The following CCSER1 variants were observed in gnomAD, a reference collection of about 807,000 sequenced individuals.
The protein encoded by CCSER1 is serine-rich coiled-coil domain-containing protein 1.
In CCSER1, 41 loss-of-function variants were observed where a neutral mutation model predicts 82.0. The ratio of observed to expected loss-of-function variants is 0.50; its 90% CI spans 0.39 to 0.65. The LOEUF is 0.65. CCSER1 is among the 30% of genes least tolerant of loss of function. The pLI is 0.00. For synonymous variants in CCSER1, 414 were observed against 383.9 expected (o/e 1.08, Z -0.92); for missense variants, 1,119 against 1,064.2 (o/e 1.05, Z -0.72).
intron 6 of CCSER1, among the ~76,000 whole-genome samples, chr4:90,693,076 G>A (rs750124340): frequency 7.2e-5 from 11 of 152,040 alleles, no homozygotes; most frequent in Non-Finnish European, 1.0e-4. Flanking sequence ...TGCGGATGAG[G>A]TTAAGGGTAA....
chr4:91,023,020 T>A (rs1377208355), intron 9 of CCSER1, among the ~76,000 whole-genome samples: 5 of 152,114 alleles, frequency 3.3e-5, no homozygotes, highest in African/African-American at 1.2e-4. Flanking sequence ...TTTAATTAGA[T>A]CCCATTTGTC....
chr4:91,275,604 T>G (rs1242533527), intron 10 of CCSER1, among the ~76,000 whole-genome samples: 2 of 152,194 alleles, frequency 1.3e-5, no homozygotes, highest in Non-Finnish European at 2.9e-5. Flanking sequence ...TTTGCAAATA[T>G]TTTCTCTCAT....
intron 10 of CCSER1, among the ~76,000 whole-genome samples, chr4:91,090,690 A>T (rs563358615): frequency 3.3e-5 from 5 of 152,330 alleles, no homozygotes; most frequent in Admixed American, 2.0e-4. Context: ...CAAACATACC[A>T]TTAAGTGACT....
intron 3 of CCSER1, among the ~76,000 whole-genome samples, chr4:90,350,567 CAATT>C (rs1185974788): frequency 6.6e-6 from 1 of 151,980 alleles, no homozygotes; most frequent in Non-Finnish European, 1.5e-5. Context: ...TAAAAACCAA[CAATT>C]TAATTAATAT....
chr4:90,989,565 G>A (rs1736849908), intron 9 of CCSER1, among the ~76,000 whole-genome samples: 1 of 151,766 alleles, frequency 6.6e-6, no homozygotes. Context: ...GATTTCTACT[G>A]TAAGGGTAAA....
chr4:90,389,368 C>T (rs1461736), intron 3 of CCSER1, among the ~76,000 whole-genome samples: 45,558 of 151,990 alleles, frequency 0.3, 7,008 homozygotes, highest in South Asian at 0.36. Context: ...TGTCTTTAAA[C>T]ATTCCTCTGT....
chr4:90,670,453 A>G (rs907229027), intron 6 of CCSER1, among the ~76,000 whole-genome samples: 3 of 152,126 alleles, frequency 2.0e-5, no homozygotes, highest in African/African-American at 4.8e-5. Flanking sequence ...CTTTTACCAT[A>G]TAATTGTCCC....
intron 9 of CCSER1, among the ~76,000 whole-genome samples, chr4:90,947,552 A>G (rs2150345374): frequency 1.3e-5 from 2 of 152,256 alleles, no homozygotes; most frequent in South Asian, 4.1e-4. Flanking sequence ...TGCATTATCT[A>G]CTGAATTGCC....
chr4:91,257,217 C>T lies in CCSER1; in HGVS notation c.2217+171223C>T, dbSNP rs750346291. ...TAGATATGTTACGTTAGAAAACAAA[C>T]GATTTCTCATTGGCTTTTATTTTAT... On this transcript the variant is annotated intron_variant, in intron 10 of 10. Coordinates refer to ENST00000509176, the MANE Select transcript of CCSER1 (RefSeq NM_001145065.2). 4.1e-4 allele frequency among the ~76,000 whole-genome samples: 62 copies of T among 151,968 alleles called. 1 individual carries two copies. Among genetic ancestry groups the T allele is most frequent in the Non-Finnish European group, 1.5e-4 (10 of 67,932 alleles).
chr4:91,164,159 T>C (rs1172130668), intron 10 of CCSER1, among the ~76,000 whole-genome samples: 1 of 152,232 alleles, frequency 6.6e-6, no homozygotes, highest in Non-Finnish European at 1.5e-5. Context: ...TGCTTGTCTG[T>C]AAAGAATTTT....
chr4:91,099,599 A>C (rs1724853196), intron 10 of CCSER1, among the ~76,000 whole-genome samples: 1 of 152,154 alleles, frequency 6.6e-6, no homozygotes, highest in Admixed American at 6.5e-5. Context: ...GAGGCATGAG[A>C]CATCAATCAA....
intron 10 of CCSER1, among the ~76,000 whole-genome samples, chr4:91,531,461 T>C (rs1560742257): frequency 6.6e-6 from 1 of 152,168 alleles, no homozygotes; most frequent in African/African-American, 2.4e-5. Context: ...ACAAAGATAA[T>C]AATGTAAGAA....
At chr4:91,055,026 T>G (rs1451728691) in intron 9 of CCSER1, among the ~76,000 whole-genome samples, 1 of 152,174 alleles carries the variant, frequency 6.6e-6, no homozygotes, top group Non-Finnish European at 1.5e-5. Context: ...ATATTGTGAT[T>G]TGTTTTCTAT....
rs143427447 is a variant in CCSER1, at chr4:90,843,943, A to T, written c.2094+28098A>T. Among the ~76,000 whole-genome samples the T allele has an allele frequency of 4.5e-3, 678 of 152,106 alleles. 1 individual carries two copies. Among genetic ancestry groups the T allele is most frequent in the Non-Finnish European group, 6.7e-3 (455 of 67,956 alleles). The stretch of plus-strand genomic sequence containing the variant: ...TTAAAGGTAACAATATAAAATGTAT[A>T]TTTTTTATATTTTCAGTACTCTTGA... On this transcript the variant is annotated intron_variant, in intron 8 of 10. Transcript: ENST00000509176.
At chr4:90,300,413 G>A (rs1425608305) in intron 1 of CCSER1, among the ~76,000 whole-genome samples, 2 of 152,092 alleles carry the variant, frequency 1.3e-5, no homozygotes, top group Non-Finnish European at 2.9e-5. Flanking sequence ...TCTTTGTGAT[G>A]TAGTATCTTC....
At chr4:90,371,905 C>A (rs114397818) in intron 3 of CCSER1, among the ~76,000 whole-genome samples, 1,576 of 152,164 alleles carry the variant, frequency 0.01, 24 homozygotes, top group African/African-American at 0.035. Flanking sequence ...TAATTTAGAA[C>A]ACTAATGAAT....
At chr4:90,254,315 G>C (rs936260990) in intron 1 of CCSER1, among the ~76,000 whole-genome samples, 2 of 152,172 alleles carry the variant, frequency 1.3e-5, no homozygotes, top group Non-Finnish European at 2.9e-5. Flanking sequence ...TGGTGGTCAG[G>C]AAGTCGCTCA....
chr4:90,947,148 C>T (rs1732352907), intron 9 of CCSER1, among the ~76,000 whole-genome samples: 1 of 152,170 alleles, frequency 6.6e-6, no homozygotes, highest in African/African-American at 2.4e-5. Context: ...AGGTAACTCA[C>T]TCCAGGGAGC....
At chr4:90,313,682 A>G (rs1735694046) in intron 3 of CCSER1, among the ~76,000 whole-genome samples, 1 of 152,108 alleles carries the variant, frequency 6.6e-6, no homozygotes, top group Non-Finnish European at 1.5e-5. Context: ...CTAGGGTGTC[A>G]CAGAGGCATT....
Sources: allele counts gnomAD v4.1 joint callset (sites outside exome capture counted in the v4.1 genomes callset), GRCh38; gene constraint gnomAD v4.1.1; transcripts MANE v1.5; gene names NCBI Gene and HGNC (gene_info 2026-07-23, HGNC 2026-07-21).